Variants in NUMBL observed in about 807,000 individuals in gnomAD.
NUMBL encodes numb-like protein.
Under a neutral mutation model 48.9 loss-of-function variants are expected in NUMBL, and 20 were observed. The observed-to-expected ratio is 0.41, with a 90% confidence interval of 0.29 to 0.59. The LOEUF (loss-of-function observed/expected upper bound fraction) is 0.59. Ranked by LOEUF, NUMBL falls within the 20% of genes least tolerant of loss-of-function variation. NUMBL has a pLI of 0.31. For synonymous variants in NUMBL, 340 were observed against 348.7 expected (o/e 0.98, Z 0.28); for missense variants, 660 against 846.2 (o/e 0.78, Z 2.73).
Position 40,688,603 on chromosome 19 carries a change from C to G in NUMBL, c.25-1608G>C, listed in dbSNP as rs554785935. On this transcript the variant is annotated intron_variant, in intron 1 of 9. Transcript: ENST00000252891. The surrounding 1 kb of genome is among the most constrained non-coding windows in gnomAD (Gnocchi z 4.6). ...CACACAGCTACAGACCCCACACTCTCACAGATGATGACATAGACACAGACA... is the reference window on the plus strand; with the variant it reads ...CACACAGCTACAGACCCCACACTCTGACAGATGATGACATAGACACAGACA... Among the ~76,000 whole-genome samples, 3 of 152,278 alleles carry G rather than the reference C, an allele frequency of 2.0e-5. No individual in the cohort carries two copies. Among genetic ancestry groups the G allele is most frequent in the East Asian group, 3.9e-4 (2 of 5,186 alleles).
chr19:40,676,610 T>C (rs1396648162), intron 7 of NUMBL, among the ~76,000 whole-genome samples: 1 of 149,282 alleles, frequency 6.7e-6, no homozygotes, highest in Non-Finnish European at 1.5e-5. Context: ...CAGAATTGCT[T>C]GAACCCGGGA....
intron 8 of NUMBL, among the ~76,000 whole-genome samples, chr19:40,672,658 A>G (rs578211558): frequency 1.3e-5 from 2 of 152,320 alleles, no homozygotes; most frequent in East Asian, 3.9e-4. Context: ...CCCATGACAC[A>G]CACTGCATGG....
In NUMBL at chr19:40,682,692, C is replaced by G. The variant is rs1240047010; in HGVS notation, c.399+36G>C. ...CCCTGATTCCAGCAGGGTGAGCAGACAGGCCCCCTGGCGTCCACCCCCACA... is the reference window on the plus strand; with the variant it reads ...CCCTGATTCCAGCAGGGTGAGCAGAGAGGCCCCCTGGCGTCCACCCCCACA... On this transcript the variant is annotated intron_variant, in intron 5 of 9. Coordinates refer to ENST00000252891, the MANE Select transcript of NUMBL (RefSeq NM_004756.5). This position sits in a 1 kb window ranked among gnomAD's most constrained non-coding sequence, Gnocchi z 4.0. 6.2e-7 allele frequency: 1 copy of G among 1,603,080 alleles called. No individual in the cohort carries two copies. The highest frequency in any genetic ancestry group is 1.1e-5 in the South Asian group (1 of 90,022).
rs2081908455 is a variant in NUMBL at position 40,682,152 on chromosome 19, G to A, written c.399+576C>T. On this transcript the variant is annotated intron_variant, in intron 5 of 9. Transcript: ENST00000252891. The surrounding 1 kb of genome is among the most constrained non-coding windows in gnomAD (Gnocchi z 4.0). ...ATAATCCCTGTTTTTCTGCGATGGAGTTTAGCTCTTGTTGCCCAGGCTGGA... is the reference window on the plus strand; with the variant it reads ...ATAATCCCTGTTTTTCTGCGATGGAATTTAGCTCTTGTTGCCCAGGCTGGA... Among the ~76,000 whole-genome samples the A allele has an allele frequency of 1.3e-5, 2 of 151,866 alleles. No individual in the cohort carries two copies. The highest frequency in any genetic ancestry group is 1.3e-4 in the Admixed American group (2 of 15,266).
intron 8 of NUMBL, among the ~76,000 whole-genome samples, chr19:40,671,532 C>G (rs1256911794): frequency 2.6e-5 from 4 of 152,142 alleles, no homozygotes; most frequent in Non-Finnish European, 5.9e-5. Flanking sequence ...GGGAGTGTGC[C>G]TGATGTCAGG....
rs1010442616 is a variant in NUMBL at position 40,682,993 on chromosome 19, G to T, written c.250-25C>A. The stretch of plus-strand genomic sequence containing the variant: ...ACTTGGGTTGGAGGGAATGGGGGGG[G>T]GGACATGAAACAGCACAGTAATCAC... On this transcript the variant is annotated intron_variant, in intron 3 of 9. Transcript: ENST00000252891. The surrounding 1 kb of genome is among the most constrained non-coding windows in gnomAD (Gnocchi z 4.0). 3.1e-6 allele frequency: 5 copies of T among 1,606,716 alleles called. No individual in the cohort carries two copies. Among genetic ancestry groups the T allele is most frequent in the African/African-American group, 2.7e-5 (2 of 74,598 alleles).
chr19:40,684,052 C>T (rs2081919820), intron 3 of NUMBL: 1 of 207,086 alleles, frequency 4.8e-6, no homozygotes, highest in Non-Finnish European at 9.8e-6. Context: ...AGGTGTTAGC[C>T]ACCACTACGC....
chr19:40,667,079 A>C lies in NUMBL; in HGVS notation c.*389T>G. The C allele has an allele frequency of 3.8e-6, 1 of 265,424 alleles. No homozygotes were observed. Among genetic ancestry groups the C allele is most frequent in the South Asian group, 4.1e-5 (1 of 24,662 alleles). 16.4% of individuals were successfully genotyped at this position (265,424 alleles called of 1,614,324 possible). A position where few individuals can be genotyped will look rare whatever the true frequency, so the allele number is the denominator to read the frequency against. ...TGGGCACTGGTGTGGGGCCCAGGAG[A>C]GCCCCTAAGCAAGTGTCCCCCCTCC... On this transcript the variant is annotated 3_prime_UTR_variant, in exon 10 of 10. Transcript: ENST00000252891. This position sits in a 1 kb window ranked among gnomAD's most constrained non-coding sequence, Gnocchi z 6.1.
In NUMBL at chr19:40,680,814, A is replaced by T. The variant is rs573856519; in HGVS notation, c.540+103T>A. The T allele has an allele frequency of 8.2e-4, 1,053 of 1,285,722 alleles. 2 individuals carry two copies. The highest frequency in any genetic ancestry group is 1.1e-3 in the Non-Finnish European group (962 of 900,360). 79.6% of individuals were successfully genotyped at this position (1,285,722 alleles called of 1,614,324 possible). On this transcript the variant is annotated intron_variant, in intron 6 of 9. Transcript: ENST00000252891. ...TCTTCTCCAGATGAGGAAACTGGGC[A>T]CACAGAGGTTAGTGATGTGCCTGAA...
At chr19:40,681,739 C>T (rs986029226) in intron 5 of NUMBL, among the ~76,000 whole-genome samples, 1 of 152,144 alleles carries the variant, frequency 6.6e-6, no homozygotes, top group Non-Finnish European at 1.5e-5. Context: ...GTGGCATGAT[C>T]TTGGCTTACT....
At chr19:40,672,063 G>T (rs777747062) in intron 8 of NUMBL, among the ~76,000 whole-genome samples, 4 of 151,986 alleles carry the variant, frequency 2.6e-5, no homozygotes, top group Admixed American at 6.6e-5. Context: ...GTAGAGACAG[G>T]GTTTAGCCAA....
chr19:40,674,878 C>T (rs931766043), intron 7 of NUMBL, among the ~76,000 whole-genome samples: 11 of 152,126 alleles, frequency 7.2e-5, no homozygotes, highest in Non-Finnish European at 1.5e-4. Context: ...GTGGTTCACG[C>T]CTGTAATCCC....
At chr19:40,675,142 C>CAA (rs71334931) in intron 7 of NUMBL, among the ~76,000 whole-genome samples, 8,034 of 29,684 alleles carry the variant, frequency 0.27, 2,412 homozygotes, top group Middle Eastern at 0.4. Context: ...GACTCTGTCT[C>CAA]AAAAAAAAAA....
chr19:40,675,449 C>A (rs1031886482), intron 7 of NUMBL, among the ~76,000 whole-genome samples: 2 of 151,826 alleles, frequency 1.3e-5, no homozygotes, highest in South Asian at 2.1e-4. Context: ...ATGGTAAATT[C>A]TTTGTAAATT....
rs927227334 is a variant in NUMBL, at chr19:40,667,029, G to C, written c.*439C>G. On this transcript the variant is annotated 3_prime_UTR_variant, in exon 10 of 10. Coordinates refer to ENST00000252891, the MANE Select transcript of NUMBL (RefSeq NM_004756.5). This position sits in a 1 kb window ranked among gnomAD's most constrained non-coding sequence, Gnocchi z 6.1. ...AGCCCTTAGCTTGTGCTGTGCATGG[G>C]GGGAGGAGACGACCAGATTTGGGGT... is the stretch of plus-strand genomic sequence containing the variant. 1 of 235,018 alleles carries C rather than the reference G, an allele frequency of 4.3e-6. No individual in the cohort carries two copies. 14.6% of individuals were successfully genotyped at this position (235,018 alleles called of 1,614,324 possible).
At chr19:40,669,501 C>T (rs1241780690) in intron 9 of NUMBL, among the ~76,000 whole-genome samples, 1 of 151,790 alleles carries the variant, frequency 6.6e-6, no homozygotes, top group Non-Finnish European at 1.5e-5. Context: ...TAGGATGATC[C>T]CCTGGCTCTA....
At chr19:40,690,313 G>T in intron 1 of NUMBL, 147 bp downstream of exon 1, 1 of 420,396 alleles carries the variant, frequency 2.4e-6, no homozygotes, top group South Asian at 1.1e-4. Context: ...TTGGCTTGTT[G>T]GGCCTGTTCC....
At chr19:40,676,658 C>T (rs1298603485) in intron 7 of NUMBL, among the ~76,000 whole-genome samples, 3 of 148,012 alleles carry the variant, frequency 2.0e-5, no homozygotes, top group African/African-American at 7.5e-5. Context: ...CACCATTGCA[C>T]TCCAGCCTGG....
intron 3 of NUMBL, 181 bp downstream of exon 3, chr19:40,684,236 T>C: frequency 1.6e-6 from 1 of 622,588 alleles, no homozygotes; most frequent in East Asian, 3.3e-5. Context: ...GCGAGGCTAA[T>C]TTGTTGTATT....
Sources: allele counts gnomAD v4.1 joint callset (sites outside exome capture counted in the v4.1 genomes callset), GRCh38; gene constraint gnomAD v4.1.1; non-coding constraint Gnocchi (gnomAD v3.1); transcripts MANE v1.5; gene names NCBI Gene and HGNC (gene_info 2026-07-23, HGNC 2026-07-21).